The following GCAT variants were observed in gnomAD, a reference collection of about 807,000 sequenced individuals.
GCAT encodes the protein 2-amino-3-ketobutyrate coenzyme A ligase, mitochondrial.
In GCAT, 26 loss-of-function variants were observed where a neutral mutation model predicts 39.7. The observed-to-expected ratio is 0.65, with a 90% confidence interval of 0.48 to 0.91. The LOEUF (loss-of-function observed/expected upper bound fraction) is 0.91. Ranked by LOEUF, GCAT falls within the 40% of genes least tolerant of loss-of-function variation. The pLI, the probability that GCAT is intolerant of heterozygous loss-of-function variation, is 0.00. For synonymous variants in GCAT, 218 were observed against 237.2 expected (o/e 0.92, Z 0.74); for missense variants, 550 against 576.2 (o/e 0.95, Z 0.47).
At chr22:37,808,980 C>G (rs1239497506) in intron 1 of GCAT, among the ~76,000 whole-genome samples, 1 of 152,224 alleles carries the variant, frequency 6.6e-6, no homozygotes, top group East Asian at 1.9e-4. Context: ...AGCCACCACT[C>G]CCAGCCCTCC....
chr22:37,815,920 C>T, intron 7 of GCAT, 86 bp downstream of exon 7: 2 of 1,493,036 alleles, frequency 1.3e-6, no homozygotes, highest in Non-Finnish European at 9.2e-7. Context: ...ACAGACAGCT[C>T]TGTGCCCACC....
At chr22:37,810,204 T>TGTGGGAAGCAGGCAGCTG in intron 2 of GCAT, 47 bp downstream of exon 2, 1 of 1,382,604 alleles carries the variant, frequency 7.2e-7, no homozygotes, top group Non-Finnish European at 1.0e-6. Flanking sequence ...CCCAGCTGCC[T>TGTGGGAAGCAGGCAGCTG]GCTTCCCACA....
chr22:37,812,165 T>TA (rs397804303), intron 2 of GCAT, among the ~76,000 whole-genome samples: 83,672 of 146,766 alleles, frequency 0.57, 23,549 homozygotes, highest in East Asian at 0.63. Flanking sequence ...ACCCTCTCTC[T>TA]AAAAAAAAAA....
intron 3 of GCAT, chr22:37,813,231 CG>C: frequency 1.5e-6 from 1 of 663,738 alleles, no homozygotes; most frequent in African/African-American, 1.8e-5. Context: ...CTGGGGGAGG[CG>C]GGGGCCTGGT....
chr22:37,815,026 C>T (rs1432276751), intron 4 of GCAT, 100 bp from the exon 5 acceptor site: 1 of 1,168,198 alleles, frequency 8.6e-7, no homozygotes, highest in African/African-American at 1.5e-5. Context: ...CTGTGCTGGG[C>T]ACTGGGCAGG....
chr22:37,813,281 G>A (rs1006892829), intron 3 of GCAT, 182 bp from the exon 4 acceptor site: 2 of 732,468 alleles, frequency 2.7e-6, no homozygotes, highest in African/African-American at 3.5e-5. Flanking sequence ...TACTAGAGCA[G>A]GGCGCTGGTC....
Position 37,815,209 on chromosome 22 carries a change from C to T in GCAT, c.660C>T (p.Leu220=), listed in dbSNP as rs373326625. 4.3e-6 allele frequency: 7 copies of T among 1,613,926 alleles called. No homozygotes were observed. The highest frequency in any genetic ancestry group is 4.0e-5 in the African/African-American group (3 of 74,948). The change falls in exon 5 of 9, where the codon CTC becomes CTT. Residue 220 remains leucine (L), a synonymous_variant. Transcript: ENST00000248924. ...CACCCCTGCAGGAGATCTGCTGCCT[C>T]GCCTCTAGATATGGTGCCCTGGTCT... ...DIAPLQEICC[L]ASRYGALVFM...
chr22:37,812,784 G>C lies in GCAT; in HGVS notation c.328-103G>C. On this transcript the variant is annotated intron_variant, in intron 2 of 8. Transcript: ENST00000248924. ...GAAAGTAAGGAGACTGAGGCTGCAG[G>C]CTTTCTGGGTTGGGTCTCTGTGGTC... 3 of 770,192 alleles carry C rather than the reference G, an allele frequency of 3.9e-6. No individual in the cohort carries two copies. The South Asian group carries it at 4.3e-5, about 11-fold the overall frequency. 47.7% of individuals were successfully genotyped at this position (770,192 alleles called of 1,614,324 possible). A position where few individuals can be genotyped will look rare whatever the true frequency, so the allele number is the denominator to read the frequency against.
intron 3 of GCAT, 56 bp downstream of exon 3, chr22:37,813,044 G>A (rs74997303): frequency 1.0e-5 from 13 of 1,252,030 alleles, no homozygotes; most frequent in Admixed American, 1.7e-5. Flanking sequence ...GGCTGAGGAA[G>A]GCTTGGGTGT....
At chr22:37,809,666 A>G (rs781324507) in intron 1 of GCAT, among the ~76,000 whole-genome samples, 10 of 152,012 alleles carry the variant, frequency 6.6e-5, no homozygotes, top group Non-Finnish European at 2.9e-5. Context: ...CAAAAAATAA[A>G]AAAATTTAAT....
chr22:37,815,183 G>C lies in GCAT; in HGVS notation c.634G>C (p.Ala212Pro), dbSNP rs146361753. The change falls in exon 5 of 9, where the codon GCA (alanine) becomes CCA (proline). Residue 212 changes from alanine to proline, a missense_variant. Physicochemically the swap from Ala to Pro is conservative, Grantham distance 27. Transcript: ENST00000248924. The part of the protein sequence containing the change: ...DGAFSMDGDI[A>P]PLQEICCLAS... Reference sequence around the variant, plus strand: ...GGCCTTTTCCATGGATGGCGACATCGCACCCCTGCAGGAGATCTGCTGCCT... The same window carrying C: ...GGCCTTTTCCATGGATGGCGACATCCCACCCCTGCAGGAGATCTGCTGCCT... 6.2e-7 allele frequency: 1 copy of C among 1,613,998 alleles called. No homozygotes were observed.
chr22:37,815,838 C>T lies in GCAT; in HGVS notation c.986+4C>T, dbSNP rs375977973. The T allele has an allele frequency of 5.6e-5, 91 of 1,613,506 alleles. No homozygotes were observed. The highest frequency in any genetic ancestry group is 8.0e-5 in the African/African-American group (6 of 75,026). ...CTATGGCTGCCAAGACCCAGAGGTG[C>T]GACTCCCAGCAGGGCAGGCTCGGGG... is the stretch of plus-strand genomic sequence containing the variant. On this transcript the variant is annotated splice_donor_region_variant and intron_variant, in intron 7 of 8. Coordinates refer to ENST00000248924, the MANE Select transcript of GCAT (RefSeq NM_014291.4).
At chr22:37,809,125 A>G (rs1384841691) in intron 1 of GCAT, among the ~76,000 whole-genome samples, 4 of 152,240 alleles carry the variant, frequency 2.6e-5, no homozygotes, top group Non-Finnish European at 1.5e-5. Context: ...TGTTGCACTC[A>G]TTTGTAAAAC....
chr22:37,815,933 G>C (rs1265755462), intron 7 of GCAT, 99 bp downstream of exon 7: 10 of 1,417,344 alleles, frequency 7.1e-6, no homozygotes, highest in Admixed American at 1.9e-5. Flanking sequence ...TGCCCACCGG[G>C]TCTGCTTCTG....
intron 1 of GCAT, 133 bp from the exon 2 acceptor site, chr22:37,809,894 G>T: frequency 1.8e-6 from 2 of 1,133,422 alleles, no homozygotes; most frequent in African/African-American, 1.5e-5. Flanking sequence ...TGTTGAATTT[G>T]GTGCCTCCTC....
At chr22:37,809,839 C>T in intron 1 of GCAT, 188 bp from the exon 2 acceptor site, 1 of 707,116 alleles carries the variant, frequency 1.4e-6, no homozygotes, top group Non-Finnish European at 2.4e-6. Flanking sequence ...AAAGTTTAAA[C>T]TTCTTGCTCT....
chr22:37,815,930 C>A, intron 7 of GCAT, 96 bp downstream of exon 7: 1 of 1,442,736 alleles, frequency 6.9e-7, no homozygotes, highest in Non-Finnish European at 9.5e-7. Flanking sequence ...CTGTGCCCAC[C>A]GGGTCTGCTT....
intron 4 of GCAT, 45 bp from the exon 5 acceptor site, chr22:37,815,081 G>C: frequency 6.2e-7 from 1 of 1,601,258 alleles, no homozygotes; most frequent in Admixed American, 1.7e-5. Context: ...GGGTGGTTTG[G>C]CCCAACTTGA....
intron 1 of GCAT, 62 bp downstream of exon 1, chr22:37,808,225 C>A: frequency 1.5e-6 from 2 of 1,329,824 alleles, no homozygotes; most frequent in African/African-American, 1.6e-5. Flanking sequence ...GAATGGAGGT[C>A]CTGGAGGTGG....
Sources: gnomAD v4.1 joint callset for allele counts (sites outside exome capture counted in the v4.1 genomes callset) on GRCh38, gnomAD v4.1.1 for gene constraint, MANE v1.5 for transcripts, NCBI Gene and HGNC (gene_info 2026-07-23, HGNC 2026-07-21) for gene names.